BTBD9: variants seen among roughly 807,000 people sequenced by gnomAD.
The protein encoded by BTBD9 is BTB/POZ domain-containing protein 9.
BTBD9 carries 49 observed loss-of-function variants against 64.3 expected under a neutral mutation model. That is an observed-to-expected ratio of 0.76 (90% CI 0.61 to 0.97). The LOEUF (loss-of-function observed/expected upper bound fraction) is 0.97. Ranked by LOEUF, BTBD9 falls within the 50% of genes least tolerant of loss-of-function variation. The pLI, the probability that BTBD9 is intolerant of heterozygous loss-of-function variation, is 0.00. For synonymous variants in BTBD9, 260 were observed against 274.7 expected (o/e 0.95, Z 0.53); for missense variants, 598 against 762.1 (o/e 0.78, Z 2.53).
At chr6:38,490,341 G>A (rs1242536693) in intron 6 of BTBD9, among the ~76,000 whole-genome samples, 1 of 151,934 alleles carries the variant, frequency 6.6e-6, no homozygotes, top group Non-Finnish European at 1.5e-5. Context: ...TTTTTTTTGA[G>A]ACAGAGTTTT....
intron 6 of BTBD9, among the ~76,000 whole-genome samples, chr6:38,365,347 G>A (rs1191108874): frequency 6.6e-6 from 1 of 152,144 alleles, no homozygotes; most frequent in Non-Finnish European, 1.5e-5. Context: ...CAGCAAGGCT[G>A]TATTTCAGAA....
intron 6 of BTBD9, among the ~76,000 whole-genome samples, chr6:38,570,855 T>G (rs1775732756): frequency 6.6e-6 from 1 of 152,238 alleles, no homozygotes; most frequent in Admixed American, 6.5e-5. Flanking sequence ...TCACATGTTA[T>G]TTCACAAATC....
intron 8 of BTBD9, among the ~76,000 whole-genome samples, chr6:38,276,415 G>C (rs1761252992): frequency 6.6e-6 from 1 of 151,856 alleles, no homozygotes; most frequent in Non-Finnish European, 1.5e-5. Flanking sequence ...GAGTTAATGG[G>C]TGCAGTACAC....
intron 8 of BTBD9, among the ~76,000 whole-genome samples, chr6:38,265,523 A>G (rs1764942898): frequency 6.8e-6 from 1 of 147,422 alleles, no homozygotes; most frequent in South Asian, 2.2e-4. Context: ...TTTTTTTAAG[A>G]CAGGGTCTCA....
chr6:38,328,392 C>T (rs1379159901), intron 7 of BTBD9, among the ~76,000 whole-genome samples: 1 of 152,096 alleles, frequency 6.6e-6, no homozygotes, highest in Non-Finnish European at 1.5e-5. Flanking sequence ...AGAAACACCA[C>T]AGGCCACTCA....
chr6:38,341,094 T>G (rs1764079544), intron 7 of BTBD9, among the ~76,000 whole-genome samples: 1 of 152,152 alleles, frequency 6.6e-6, no homozygotes, highest in Admixed American at 6.5e-5. Flanking sequence ...GATAGACAGA[T>G]AAATAGAAGA....
chr6:38,631,360 T>C (rs905707037), intron 1 of BTBD9, among the ~76,000 whole-genome samples: 1 of 152,166 alleles, frequency 6.6e-6, no homozygotes, highest in African/African-American at 2.4e-5. Context: ...TGTTTGGAAA[T>C]ATGCCCACAA....
chr6:38,505,357 G>A (rs1452728027), intron 6 of BTBD9, among the ~76,000 whole-genome samples: 5 of 152,120 alleles, frequency 3.3e-5, no homozygotes, highest in Admixed American at 1.3e-4. Context: ...AGGTGCGGTG[G>A]CTCACACCTG....
chr6:38,560,291 G>A (rs971333987), intron 6 of BTBD9, among the ~76,000 whole-genome samples: 9 of 152,026 alleles, frequency 5.9e-5, no homozygotes, highest in Non-Finnish European at 1.2e-4. Context: ...CCTACAAGTA[G>A]CCAAAAAACA....
intron 6 of BTBD9, among the ~76,000 whole-genome samples, chr6:38,532,203 G>C (rs549664615): frequency 1.3e-5 from 2 of 152,102 alleles, no homozygotes; most frequent in African/African-American, 4.8e-5. Flanking sequence ...AACAAAACTG[G>C]GCTGAACTCA....
At chr6:38,231,765 G>C (rs777141846) in intron 9 of BTBD9, among the ~76,000 whole-genome samples, 7 of 152,230 alleles carry the variant, frequency 4.6e-5, no homozygotes, top group Non-Finnish European at 8.8e-5. Context: ...AGCCGCATGG[G>C]AGAAAGACAG....
intron 6 of BTBD9, among the ~76,000 whole-genome samples, chr6:38,489,892 C>G (rs761552541): frequency 6.6e-6 from 1 of 152,206 alleles, no homozygotes; most frequent in Non-Finnish European, 1.5e-5. Flanking sequence ...TCTTCTATCA[C>G]AAATATTGTA....
intron 1 of BTBD9, among the ~76,000 whole-genome samples, chr6:38,601,645 C>T (rs896214286): frequency 6.6e-6 from 1 of 152,008 alleles, no homozygotes; most frequent in Admixed American, 6.6e-5. Flanking sequence ...ATGAATGTGC[C>T]ACTGCACTCC....
intron 9 of BTBD9, among the ~76,000 whole-genome samples, chr6:38,217,277 C>T (rs1419519085): frequency 7.0e-6 from 1 of 143,100 alleles, no homozygotes; most frequent in Non-Finnish European, 1.5e-5. Flanking sequence ...CGAGATAATG[C>T]CACTGCACTC....
chr6:38,599,791 C>T (rs889712668), intron 1 of BTBD9, among the ~76,000 whole-genome samples: 1 of 152,228 alleles, frequency 6.6e-6, no homozygotes. Flanking sequence ...AATCTGCCTG[C>T]TTTAGTTAAC....
chr6:38,567,764 A>G (rs1353222098), intron 6 of BTBD9, among the ~76,000 whole-genome samples: 1 of 152,220 alleles, frequency 6.6e-6, no homozygotes, highest in Non-Finnish European at 1.5e-5. Context: ...ACCATTTATA[A>G]TGATGACTGA....
intron 7 of BTBD9, among the ~76,000 whole-genome samples, chr6:38,312,471 C>T (rs141992488): frequency 1.5e-4 from 23 of 152,124 alleles, no homozygotes; most frequent in African/African-American, 4.6e-4. Context: ...ACTCAAGAAA[C>T]CTTTACCCAT....
chr6:38,205,815 C>T (rs528267795), intron 9 of BTBD9, among the ~76,000 whole-genome samples: 8 of 138,086 alleles, frequency 5.8e-5, no homozygotes, highest in South Asian at 4.6e-4. Context: ...ACCTAAGAGG[C>T]GGAGGTTGCA....
intron 6 of BTBD9, among the ~76,000 whole-genome samples, chr6:38,404,261 G>A (rs1286849377): frequency 2.6e-5 from 4 of 152,110 alleles, no homozygotes; most frequent in Admixed American, 1.3e-4. Flanking sequence ...AAAATAAGCC[G>A]CTAATATAAA....
Sources: allele counts gnomAD v4.1 joint callset (sites outside exome capture counted in the v4.1 genomes callset), GRCh38; gene constraint gnomAD v4.1.1; transcripts MANE v1.5; gene names NCBI Gene and HGNC (gene_info 2026-07-23, HGNC 2026-07-21).